Variants in RALGAPB observed in about 807,000 individuals in gnomAD.
The protein encoded by RALGAPB is Ral GTPase activating protein non-catalytic subunit beta.
A neutral mutation model predicts 161.1 loss-of-function variants in RALGAPB; 25 were observed. The ratio of observed to expected loss-of-function variants is 0.16; its 90% CI spans 0.11 to 0.22. The LOEUF (loss-of-function observed/expected upper bound fraction) is 0.22. RALGAPB is among the 10% of genes least tolerant of loss of function. The pLI, the probability that RALGAPB is intolerant of heterozygous loss-of-function variation, is 1.00. For missense variants in RALGAPB, 1,391 were observed against 1,815.2 expected (o/e 0.77, Z 4.25); for synonymous variants, 629 against 626.1 (o/e 1.00, Z -0.07).
intron 5 of RALGAPB, among the ~76,000 whole-genome samples, chr20:38,508,721 G>C (rs888647521): frequency 7.9e-5 from 12 of 151,980 alleles, no homozygotes; most frequent in Admixed American, 2.6e-4. Flanking sequence ...CTTCTTCCCA[G>C]CTTCTTTCCA....
At chr20:38,531,030 A>C (rs1240637978) in intron 13 of RALGAPB, 137 bp from the exon 14 acceptor site, 1 of 712,268 alleles carries the variant, frequency 1.4e-6, no homozygotes, top group Non-Finnish European at 2.4e-6. Context: ...TTAAGAGCCA[A>C]CTATAATTTC....
chr20:38,555,334 C>T (rs1189754321), intron 22 of RALGAPB, among the ~76,000 whole-genome samples: 3 of 152,124 alleles, frequency 2.0e-5, no homozygotes, highest in Non-Finnish European at 4.4e-5. Context: ...GTAATGGGGA[C>T]ATTGCTGTTT....
At position 38,488,295 on chromosome 20, in the gene RALGAPB, A is replaced by G. The variant is rs1287664678; in HGVS notation, c.-30-108A>G. On this transcript the variant is annotated intron_variant, in intron 1 of 29. Coordinates refer to ENST00000262879, the MANE Select transcript of RALGAPB (RefSeq NM_020336.4). Reference sequence around the variant, plus strand: ...TTTGAAAAACATTGATAGAGGCAAGATGTTTGCAGCATTCTTTATCATGCC... The same window carrying G: ...TTTGAAAAACATTGATAGAGGCAAGGTGTTTGCAGCATTCTTTATCATGCC... 9.0e-6 allele frequency: 6 copies of G among 667,264 alleles called. No homozygotes were observed. In the East Asian group the frequency reaches 1.7e-4, roughly 18 times the overall value. The allele number at this position is 667,264 out of a possible 1,614,324, so 41.3% of individuals were successfully genotyped here.
intron 2 of RALGAPB, 69 bp from the exon 3 acceptor site, chr20:38,492,861 G>T: frequency 7.7e-7 from 1 of 1,294,836 alleles, no homozygotes; most frequent in South Asian, 1.3e-5. Flanking sequence ...AAAAGAGATT[G>T]ACATTTTAAA....
intron 2 of RALGAPB, 41 bp downstream of exon 2, chr20:38,488,659 C>T (rs777825691): frequency 1.3e-6 from 2 of 1,542,850 alleles, no homozygotes; most frequent in South Asian, 1.2e-5. Flanking sequence ...TGAAAATGTA[C>T]ATTTGTTCTT....
chr20:38,502,932 G>A (rs1275155436), intron 5 of RALGAPB, among the ~76,000 whole-genome samples: 1 of 152,136 alleles, frequency 6.6e-6, no homozygotes. Context: ...TTTAAAGAGG[G>A]GGTCTTGCTG....
At chr20:38,537,860 G>A (rs1329208871) in intron 16 of RALGAPB, 1 of 152,226 alleles carries the variant, frequency 6.6e-6, no homozygotes, top group African/African-American at 2.4e-5. Flanking sequence ...CTACTCTGGA[G>A]CTGAGGTCCA....
chr20:38,515,576 C>T (rs781457604), intron 6 of RALGAPB, among the ~76,000 whole-genome samples: 12 of 152,106 alleles, frequency 7.9e-5, no homozygotes, highest in African/African-American at 1.2e-4. Context: ...AGTACATACA[C>T]ATGAACACAA....
chr20:38,566,984 C>T (rs2088023612), intron 25 of RALGAPB, 112 bp from the exon 26 acceptor site: 1 of 1,450,120 alleles, frequency 6.9e-7, no homozygotes, highest in South Asian at 1.6e-5. Flanking sequence ...GCTCTCGAAG[C>T]AATGCTTTGT....
chr20:38,546,586 C>CA, intron 19 of RALGAPB, 156 bp downstream of exon 19: 3 of 898,108 alleles, frequency 3.3e-6, no homozygotes, highest in Admixed American at 2.8e-5. Flanking sequence ...AATAGGGGGG[C>CA]AAAAAAATAG....
intron 13 of RALGAPB, among the ~76,000 whole-genome samples, chr20:38,530,107 A>T (rs898843410): frequency 1.1e-4 from 17 of 152,204 alleles, no homozygotes; most frequent in Admixed American, 2.0e-4. Flanking sequence ...TGCAGTAAAC[A>T]TGATGAAAAC....
intron 1 of RALGAPB, among the ~76,000 whole-genome samples, chr20:38,474,824 TCA>T (rs1483546432): frequency 3.3e-5 from 5 of 152,350 alleles, no homozygotes; most frequent in African/African-American, 7.2e-5. Flanking sequence ...ACATACAGAC[TCA>T]CAAAGCTTTT....
At chr20:38,560,512 G>C (rs1006816787) in intron 23 of RALGAPB, among the ~76,000 whole-genome samples, 8 of 152,162 alleles carry the variant, frequency 5.3e-5, no homozygotes, top group African/African-American at 1.7e-4. Context: ...CTTAAGAGAA[G>C]GTGGGCTGGG....
rs770644831 is a variant in RALGAPB, at chr20:38,492,948, G to A, written c.205G>A (p.Val69Ile). ...TDKEVKWTME[V>I]ICYGLTLPLD... is the part of the protein sequence containing the mutation. ...TGTCTAGGTAAAATGGACCATGGAA[G>A]TAATTTGCTATGGACTGACCCTTCC... Residue 69 changes from valine (V) to isoleucine (I), a missense_variant, in exon 3 of 30, where the codon GTA (valine) becomes ATA (isoleucine). Coordinates refer to ENST00000262879, the MANE Select transcript of RALGAPB (RefSeq NM_020336.4). The A allele has an allele frequency of 6.2e-7, 1 of 1,609,880 alleles. No homozygotes were observed. Among genetic ancestry groups the A allele is most frequent in the East Asian group, 2.2e-5 (1 of 44,752 alleles).
intron 14 of RALGAPB, among the ~76,000 whole-genome samples, chr20:38,531,813 G>C (rs1020793353): frequency 1.3e-5 from 2 of 152,126 alleles, no homozygotes; most frequent in Non-Finnish European, 2.9e-5. Context: ...TAAGATGGGT[G>C]ATCAAATTAT....
At chr20:38,536,735 T>G (rs1016488035) in intron 16 of RALGAPB, among the ~76,000 whole-genome samples, 3 of 152,216 alleles carry the variant, frequency 2.0e-5, no homozygotes, top group African/African-American at 7.2e-5. Context: ...CAGGTGCTAC[T>G]GTCTGGGATG....
intron 28 of RALGAPB, chr20:38,573,515 T>C (rs1013698037): frequency 1.3e-5 from 2 of 152,338 alleles, no homozygotes; most frequent in Non-Finnish European, 2.9e-5. Context: ...TTGCCAACTT[T>C]AGCATCTGCT....
intron 5 of RALGAPB, among the ~76,000 whole-genome samples, chr20:38,505,578 T>A (rs1391321275): frequency 6.6e-6 from 1 of 152,216 alleles, no homozygotes; most frequent in Admixed American, 6.5e-5. Context: ...GGGAAAGGAT[T>A]ATGACTTGGT....
chr20:38,488,378 A>G, intron 1 of RALGAPB, 25 bp from the exon 2 acceptor site: 20 of 1,389,254 alleles, frequency 1.4e-5, no homozygotes, highest in Non-Finnish European at 2.0e-5. Context: ...ATAATTTGAC[A>G]TGCATTTCTG....
Sources: gnomAD v4.1 joint callset for allele counts (sites outside exome capture counted in the v4.1 genomes callset) on GRCh38, gnomAD v4.1.1 for gene constraint, MANE v1.5 for transcripts, NCBI Gene and HGNC (gene_info 2026-07-23, HGNC 2026-07-21) for gene names.